TMEM212: variants seen among roughly 807,000 people sequenced by gnomAD.
TMEM212 encodes transmembrane protein 212.
In TMEM212, 23 loss-of-function variants were observed where a neutral mutation model predicts 20.5. That is an observed-to-expected ratio of 1.12 (90% CI 0.81 to 1.59). The LOEUF (loss-of-function observed/expected upper bound fraction) is 1.59, where lower values mean the gene tolerates loss of function less well. Ranked by LOEUF, TMEM212 falls within the 40% of genes most tolerant of loss-of-function variation. The pLI is 0.00. For synonymous variants in TMEM212, 76 were observed against 81.6 expected (o/e 0.93, Z 0.37); for missense variants, 211 against 215.0 (o/e 0.98, Z 0.12).
chr3:171,845,053 C>A (rs1216767461), intron 1 of TMEM212, among the ~76,000 whole-genome samples: 5 of 152,098 alleles, frequency 3.3e-5, no homozygotes, highest in African/African-American at 1.2e-4. Flanking sequence ...TCTTTTGCAT[C>A]TATCACCCCA....
In TMEM212 at chr3:171,843,372, C is replaced by A. The variant is rs561520948; in HGVS notation, c.-12C>A. 297 of 1,529,246 alleles carry A rather than the reference C, an allele frequency of 1.9e-4. No individual in the cohort carries two copies. Among genetic ancestry groups the A allele is most frequent in the Non-Finnish European group, 2.2e-4 (254 of 1,143,010 alleles). The allele number at this position is 1,529,246 out of a possible 1,614,324, so 94.7% of individuals were successfully genotyped here. On this transcript the variant is annotated 5_prime_UTR_variant, in exon 1 of 5. Transcript: ENST00000334567. Reference sequence around the variant, plus strand: ...ACATCTTTGAGACCAAGGCCTCAAGCCACCAAGGAAAATGAAGGGCCTCTA... The same window carrying A: ...ACATCTTTGAGACCAAGGCCTCAAGACACCAAGGAAAATGAAGGGCCTCTA...
At chr3:171,844,909 G>C (rs1244462781) in intron 1 of TMEM212, among the ~76,000 whole-genome samples, 1 of 152,170 alleles carries the variant, frequency 6.6e-6, no homozygotes. Context: ...CATCTTAAAG[G>C]AACTTGGTCT....
chr3:171,853,343 GAA>G (rs1725029577), intron 2 of TMEM212, among the ~76,000 whole-genome samples, 182 bp from the exon 3 acceptor site: 1 of 150,922 alleles, frequency 6.6e-6, no homozygotes. Flanking sequence ...AAAAGAAAAT[GAA>G]TATACAAGGG....
chr3:171,843,835 A>T (rs1034388649), intron 1 of TMEM212, among the ~76,000 whole-genome samples: 6 of 152,220 alleles, frequency 3.9e-5, no homozygotes, highest in African/African-American at 1.4e-4. Flanking sequence ...TTGATATGCT[A>T]AGAAATTAGA....
chr3:171,855,015 G>A (rs141634038), intron 3 of TMEM212, among the ~76,000 whole-genome samples: 178 of 152,156 alleles, frequency 1.2e-3, no homozygotes, highest in African/African-American at 3.9e-3. Context: ...TGATTAAGAA[G>A]AAATCATAAT....
chr3:171,855,383 CA>C (rs1191694076), intron 3 of TMEM212, among the ~76,000 whole-genome samples: 1 of 152,124 alleles, frequency 6.6e-6, no homozygotes, highest in Non-Finnish European at 1.5e-5. Context: ...GAGGCTGATA[CA>C]GGCAGGTCAC....
chr3:171,857,127 T>G (rs1725137427), intron 4 of TMEM212, among the ~76,000 whole-genome samples: 1 of 152,130 alleles, frequency 6.6e-6, no homozygotes. Flanking sequence ...TGATGGGGCA[T>G]TTACTGCCTT....
intron 1 of TMEM212, among the ~76,000 whole-genome samples, chr3:171,849,856 G>A (rs978574602): frequency 1.3e-5 from 2 of 152,038 alleles, no homozygotes; most frequent in Admixed American, 6.6e-5. Flanking sequence ...CCCTGGAAGC[G>A]CCCAGAAAGC....
chr3:171,856,978 G>T (rs1010486529), intron 4 of TMEM212: 18 of 261,008 alleles, frequency 6.9e-5, no homozygotes, highest in South Asian at 2.5e-4. Flanking sequence ...AGCCCACAAA[G>T]TATAGGGTAG....
intron 1 of TMEM212, among the ~76,000 whole-genome samples, chr3:171,849,335 A>G (rs758183063): frequency 6.6e-6 from 1 of 152,138 alleles, no homozygotes; most frequent in Non-Finnish European, 1.5e-5. Flanking sequence ...CTTCTTGCCT[A>G]GTGTTGTAGC....
intron 3 of TMEM212, among the ~76,000 whole-genome samples, chr3:171,856,023 C>A (rs184626511): frequency 1.3e-5 from 2 of 152,068 alleles, no homozygotes; most frequent in Admixed American, 1.3e-4. Flanking sequence ...ATAAAGGGAA[C>A]AATTAGGCCA....
chr3:171,851,911 T>G, intron 1 of TMEM212, 71 bp from the exon 2 acceptor site: 3 of 1,356,776 alleles, frequency 2.2e-6, no homozygotes, highest in Non-Finnish European at 3.0e-6. Flanking sequence ...TGTCAAACTG[T>G]GAGACAGATT....
intron 1 of TMEM212, among the ~76,000 whole-genome samples, chr3:171,849,441 A>G (rs1724921317): frequency 6.6e-6 from 1 of 152,164 alleles, no homozygotes; most frequent in Non-Finnish European, 1.5e-5. Context: ...GATCTTGTTC[A>G]TCTTATTTAG....
chr3:171,855,458 C>T (rs1196492473), intron 3 of TMEM212, among the ~76,000 whole-genome samples: 1 of 151,980 alleles, frequency 6.6e-6, no homozygotes. Flanking sequence ...ACTAAAAATA[C>T]ACAAAAAAAT....
At chr3:171,846,421 T>C (rs1035335557) in intron 1 of TMEM212, among the ~76,000 whole-genome samples, 3 of 152,234 alleles carry the variant, frequency 2.0e-5, no homozygotes, top group Admixed American at 6.5e-5. Context: ...TTATTGTTTG[T>C]ATATTCCCCT....
At chr3:171,852,998 A>G (rs538475008) in intron 2 of TMEM212, among the ~76,000 whole-genome samples, 1 of 152,350 alleles carries the variant, frequency 6.6e-6, no homozygotes, top group South Asian at 2.1e-4. Flanking sequence ...CTGAGTAGCA[A>G]GAACCTTGAG....
chr3:171,844,978 G>A (rs1000253748), intron 1 of TMEM212, among the ~76,000 whole-genome samples: 5 of 152,078 alleles, frequency 3.3e-5, no homozygotes, highest in African/African-American at 2.4e-5. Flanking sequence ...TGGGAGAGTC[G>A]ATGGAATGAG....
At chr3:171,845,836 G>A (rs907324432) in intron 1 of TMEM212, among the ~76,000 whole-genome samples, 16 of 152,190 alleles carry the variant, frequency 1.1e-4, no homozygotes, top group African/African-American at 2.6e-4. Flanking sequence ...AAGAGCCCAC[G>A]TGTAAAACTG....
At chr3:171,853,498 G>A (rs1725036252) in intron 2 of TMEM212, 29 bp from the exon 3 acceptor site, 1 of 1,518,450 alleles carries the variant, frequency 6.6e-7, no homozygotes, top group South Asian at 1.2e-5. Flanking sequence ...TGTTCCCAAA[G>A]TAACAATTTA....
Sources: allele counts gnomAD v4.1 joint callset (sites outside exome capture counted in the v4.1 genomes callset), GRCh38; gene constraint gnomAD v4.1.1; transcripts MANE v1.5; gene names NCBI Gene and HGNC (gene_info 2026-07-23, HGNC 2026-07-21).